The following TMEM132C variants were observed in gnomAD, a reference collection of about 807,000 sequenced individuals.
TMEM132C encodes the protein protein phosphatase 1, regulatory subunit 152.
TMEM132C carries 29 observed loss-of-function variants against 61.4 expected under a neutral mutation model. That is an observed-to-expected ratio of 0.47 (90% CI 0.35 to 0.64). The LOEUF (loss-of-function observed/expected upper bound fraction) is 0.64, where lower values mean the gene tolerates loss of function less well. Ranked by LOEUF, TMEM132C falls within the 30% of genes least tolerant of loss-of-function variation. TMEM132C has a pLI of 0.00. For synonymous variants in TMEM132C, 656 were observed against 633.1 expected (o/e 1.04, Z -0.54); for missense variants, 1,408 against 1,476.9 (o/e 0.95, Z 0.76).
chr12:128,386,233 T>C (rs968979686), intron 1 of TMEM132C, among the ~76,000 whole-genome samples: 4 of 152,198 alleles, frequency 2.6e-5, no homozygotes, highest in Admixed American at 1.3e-4. Flanking sequence ...AGAATGTTCA[T>C]TTATGACCCA....
Position 128,548,703 on chromosome 12 carries a change from A to G in TMEM132C, c.1121+4600A>G, listed in dbSNP as rs570692634. ...CCAAATCTCAGTGATTTACAACTAC[A>G]GTTTGCCCTCCATATCCATGAGTTC... On this transcript the variant is annotated intron_variant, in intron 3 of 8. Transcript: ENST00000435159. Among the ~76,000 whole-genome samples, 14 of 152,270 alleles carry G rather than the reference A, an allele frequency of 9.2e-5. No individual in the cohort carries two copies. In the South Asian group the frequency reaches 1.9e-3, roughly 20 times the overall value.
intron 1 of TMEM132C, among the ~76,000 whole-genome samples, chr12:128,386,651 G>A (rs1392432460): frequency 2.0e-5 from 3 of 152,188 alleles, no homozygotes; most frequent in East Asian, 1.9e-4. Context: ...TGTGACAGGC[G>A]TTAAGTCCTC....
chr12:128,598,281 C>CA (rs1020097026), intron 3 of TMEM132C, among the ~76,000 whole-genome samples: 13 of 152,032 alleles, frequency 8.6e-5, no homozygotes, highest in African/African-American at 2.9e-4. Context: ...AATAATGATA[C>CA]AAAAAATAGC....
At chr12:128,483,502 C>T (rs1422827446) in intron 2 of TMEM132C, among the ~76,000 whole-genome samples, 1 of 152,054 alleles carries the variant, frequency 6.6e-6, no homozygotes, top group Non-Finnish European at 1.5e-5. Context: ...TCTTGCTCCA[C>T]CATTCGATAC....
intron 3 of TMEM132C, among the ~76,000 whole-genome samples, chr12:128,549,559 A>G (rs1874085423): frequency 6.6e-6 from 1 of 152,182 alleles, no homozygotes; most frequent in African/African-American, 2.4e-5. Flanking sequence ...GGTACTTGCC[A>G]GCTACCATGC....
intron 3 of TMEM132C, among the ~76,000 whole-genome samples, chr12:128,569,418 CA>C (rs1874800781): frequency 1.3e-5 from 2 of 152,050 alleles, no homozygotes. Context: ...CTTACAAAGA[CA>C]GATGTTAAAA....
At chr12:128,582,379 A>G (rs1380247533) in intron 3 of TMEM132C, among the ~76,000 whole-genome samples, 2 of 149,502 alleles carry the variant, frequency 1.3e-5, no homozygotes, top group Non-Finnish European at 3.0e-5. Flanking sequence ...ACTCTTACAC[A>G]CTCTGTGTGG....
At chr12:128,297,199 G>T (rs1158454315) in intron 1 of TMEM132C, among the ~76,000 whole-genome samples, 1 of 152,178 alleles carries the variant, frequency 6.6e-6, no homozygotes, top group Non-Finnish European at 1.5e-5. Context: ...GCAACAAATA[G>T]AATAAATAAC....
intron 4 of TMEM132C, among the ~76,000 whole-genome samples, chr12:128,650,494 T>C (rs1315625359): frequency 1.3e-5 from 2 of 151,782 alleles, no homozygotes; most frequent in East Asian, 3.9e-4. Flanking sequence ...GAGGCTGAGG[T>C]GGGAGGATTG....
intron 5 of TMEM132C, among the ~76,000 whole-genome samples, chr12:128,675,528 C>T (rs1593144403): frequency 6.6e-6 from 1 of 152,184 alleles, no homozygotes; most frequent in African/African-American, 2.4e-5. Flanking sequence ...TCAAAGGTTG[C>T]AGTGACTGGA....
At chr12:128,598,630 T>G (rs2135571951) in intron 3 of TMEM132C, among the ~76,000 whole-genome samples, 1 of 152,122 alleles carries the variant, frequency 6.6e-6, no homozygotes, top group Middle Eastern at 3.4e-3. Flanking sequence ...CAATGGCCCC[T>G]CTTCCTAAAA....
chr12:128,384,947 C>G (rs967031573), intron 1 of TMEM132C, among the ~76,000 whole-genome samples: 2 of 151,636 alleles, frequency 1.3e-5, no homozygotes, highest in Non-Finnish European at 2.9e-5. Context: ...GCCTTCACGG[C>G]CACCTGTGAT....
At chr12:128,438,416 A>G (rs1380377670) in intron 2 of TMEM132C, among the ~76,000 whole-genome samples, 1 of 152,082 alleles carries the variant, frequency 6.6e-6, no homozygotes, top group Non-Finnish European at 1.5e-5. Context: ...CTCTGCACAC[A>G]CCGGCTCCTC....
chr12:128,482,899 A>C (rs1871360171), intron 2 of TMEM132C, among the ~76,000 whole-genome samples: 2 of 151,928 alleles, frequency 1.3e-5, no homozygotes, highest in African/African-American at 4.8e-5. Context: ...GAGTGGGCAG[A>C]TGGGTGTGTA....
intron 4 of TMEM132C, among the ~76,000 whole-genome samples, chr12:128,665,283 A>G (rs938135181): frequency 1.8e-4 from 24 of 136,268 alleles, no homozygotes; most frequent in African/African-American, 8.7e-4. Context: ...GCACACGCAC[A>G]CACAGGCACT....
chr12:128,340,939 TCTC>T (rs1205560572), intron 1 of TMEM132C, among the ~76,000 whole-genome samples: 3 of 128,338 alleles, frequency 2.3e-5, no homozygotes, highest in East Asian at 2.1e-4. Context: ...TCTCTCTCTC[TCTC>T]TCTTTCTTTC....
chr12:128,585,691 T>G (rs182633209), intron 3 of TMEM132C, among the ~76,000 whole-genome samples: 148 of 152,334 alleles, frequency 9.7e-4, no homozygotes, highest in Non-Finnish European at 1.6e-3. Context: ...AAGCAGCGTG[T>G]GCGGTGTGCT....
At chr12:128,520,610 T>C (rs1024103923) in intron 2 of TMEM132C, among the ~76,000 whole-genome samples, 17 of 152,182 alleles carry the variant, frequency 1.1e-4, no homozygotes, top group African/African-American at 4.1e-4. Flanking sequence ...GACTGTCCTG[T>C]GCATCATAAG....
intron 2 of TMEM132C, among the ~76,000 whole-genome samples, chr12:128,420,990 C>T (rs1209948171): frequency 6.6e-6 from 1 of 152,110 alleles, no homozygotes; most frequent in East Asian, 1.9e-4. Flanking sequence ...AGTTTGGGAA[C>T]CAACACTGTA....
Sources: gnomAD v4.1 joint callset for allele counts (sites outside exome capture counted in the v4.1 genomes callset) on GRCh38, gnomAD v4.1.1 for gene constraint, MANE v1.5 for transcripts, NCBI Gene and HGNC (gene_info 2026-07-23, HGNC 2026-07-21) for gene names.